Variants in ATRIP observed in about 807,000 individuals in gnomAD.
ATRIP encodes ATR-interacting protein.
Under a neutral mutation model 78.1 loss-of-function variants are expected in ATRIP, and 44 were observed. The ratio of observed to expected loss-of-function variants is 0.56; its 90% CI spans 0.44 to 0.72. ATRIP has a LOEUF of 0.72. Ranked by LOEUF, ATRIP falls within the 30% of genes least tolerant of loss-of-function variation. The pLI, the probability that ATRIP is intolerant of heterozygous loss-of-function variation, is 0.00. For synonymous variants in ATRIP, 388 were observed against 408.9 expected (o/e 0.95, Z 0.62); for missense variants, 927 against 980.2 (o/e 0.95, Z 0.72).
chr3:48,460,861 C>G, intron 8 of ATRIP, 62 bp downstream of exon 8: 1 of 1,436,446 alleles, frequency 7.0e-7, no homozygotes, highest in Admixed American at 2.0e-5. Context: ...TAAGGTCTAA[C>G]CCATGGCACT....
At chr3:48,451,955 C>A in intron 3 of ATRIP, 56 bp downstream of exon 3, 1 of 1,489,662 alleles carries the variant, frequency 6.7e-7, no homozygotes. Context: ...GTTCCTTTGA[C>A]CAGGGTTGCC....
At chr3:48,448,785 C>G (rs1422893629) in intron 1 of ATRIP, among the ~76,000 whole-genome samples, 3 of 152,218 alleles carry the variant, frequency 2.0e-5, no homozygotes, top group Non-Finnish European at 4.4e-5. Flanking sequence ...TCCAATCATC[C>G]CACTTAAGTC....
rs1424803628 is a variant in ATRIP, at chr3:48,463,762, A to G, written c.1763A>G (p.Gln588Arg). ...DFLPRFQCVF[Q>R]VLPKCLSPET... ...TCTTTTAGGTTCCAGTGTGTGTTCC[A>G]AGTGCTGCCAAAGTGCCTCAGCCCA... Residue 588 changes from glutamine (Q) to arginine (R), a missense_variant, in exon 9 of 13, where the codon CAA becomes CGA. By Grantham distance (43) the Gln-to-Arg change is conservative. Coordinates refer to ENST00000320211, the MANE Select transcript of ATRIP (RefSeq NM_130384.3). 1 of 1,614,028 alleles carries G rather than the reference A, an allele frequency of 6.2e-7. No homozygotes were observed. Among genetic ancestry groups the G allele is most frequent in the African/African-American group, 1.3e-5 (1 of 74,896 alleles).
At chr3:48,452,469 G>A (rs2039857982) in intron 3 of ATRIP, among the ~76,000 whole-genome samples, 1 of 152,064 alleles carries the variant, frequency 6.6e-6, no homozygotes, top group Admixed American at 6.6e-5. Flanking sequence ...GATTACTTGA[G>A]CCAGGAGTTC....
At chr3:48,449,090 A>G (rs555956470) in intron 1 of ATRIP, among the ~76,000 whole-genome samples, 1 of 152,332 alleles carries the variant, frequency 6.6e-6, no homozygotes, top group South Asian at 2.1e-4. Flanking sequence ...TAGGGAAAGA[A>G]TAATAGGATC....
chr3:48,463,750 AGT>A lies in ATRIP; in HGVS notation c.1758_1759del (p.Phe587ProfsTer15). The A allele has an allele frequency of 1.9e-6, 3 of 1,614,058 alleles. No homozygotes were observed. Among genetic ancestry groups the A allele is most frequent in the Non-Finnish European group, 2.5e-6 (3 of 1,179,980 alleles). ...TCTGGGTCCCTGTCTTTTAGGTTCC[AGT>A]GTGTGTTCCAAGTGCTGCCAAAGTG... is the stretch of plus-strand genomic sequence containing the variant. On this transcript the variant is annotated frameshift_variant, in exon 9 of 13. Coordinates refer to ENST00000320211, the MANE Select transcript of ATRIP (RefSeq NM_130384.3). LOFTEE classifies it high-confidence loss of function.
chr3:48,466,261 G>T lies in ATRIP; in HGVS notation c.*707G>T. 1 of 619,526 alleles carries T rather than the reference G, an allele frequency of 1.6e-6. No homozygotes were observed. Among genetic ancestry groups the T allele is most frequent in the Non-Finnish European group, 2.9e-6 (1 of 348,228 alleles). 38.4% of individuals were successfully genotyped at this position (619,526 alleles called of 1,614,324 possible). On this transcript the variant is annotated 3_prime_UTR_variant, in exon 13 of 13. Coordinates refer to ENST00000320211, the MANE Select transcript of ATRIP (RefSeq NM_130384.3). Reference sequence around the variant, plus strand: ...CGCCACTGCTGCCAGCGAGAGCCGCGGGAGAGTGTGCAGCCGAGTCACTAC... The same window carrying T: ...CGCCACTGCTGCCAGCGAGAGCCGCTGGAGAGTGTGCAGCCGAGTCACTAC...
intron 1 of ATRIP, among the ~76,000 whole-genome samples, chr3:48,449,451 G>A (rs1466858849): frequency 2.8e-5 from 4 of 144,276 alleles, no homozygotes; most frequent in Admixed American, 2.1e-4. Flanking sequence ...TCATTTATGA[G>A]TTTGAACCAT....
rs1004073725 is a variant in ATRIP, at chr3:48,460,323, A to G, written c.1269A>G (p.Val423=). 1 of 1,613,628 alleles carries G rather than the reference A, an allele frequency of 6.2e-7. No individual in the cohort carries two copies. The highest frequency in any genetic ancestry group is 8.5e-7 in the Non-Finnish European group (1 of 1,179,778). ...GAGCCGTGCATTTCCTCCCCCTTGT[A>G]CAGTTCTTCATCGGCTTACACTGCC... ...LPGAVHFLPL[V]QFFIGLHCQA... Residue 423 remains valine (V), a synonymous_variant, in exon 8 of 13, where the codon GTA becomes GTG. Transcript: ENST00000320211.
At position 48,467,372 on chromosome 3, in the gene ATRIP, T is replaced by C. The variant is rs778737526; in HGVS notation, c.*1818T>C. On this transcript the variant is annotated 3_prime_UTR_variant, in exon 13 of 13. Coordinates refer to ENST00000320211, the MANE Select transcript of ATRIP (RefSeq NM_130384.3). ...CCATGTATGGGGTCACAGCCTCTGC[T>C]AGGACCAAGCCAAGACCATCTGCTG... The C allele has an allele frequency of 1.2e-6, 2 of 1,614,168 alleles. No individual in the cohort carries two copies. Among genetic ancestry groups the C allele is most frequent in the Non-Finnish European group, 1.7e-6 (2 of 1,180,034 alleles).
chr3:48,446,947 C>T lies in ATRIP; in HGVS notation c.102C>T (p.Ala34=), dbSNP rs777660123. 1.9e-5 allele frequency: 29 copies of T among 1,525,590 alleles called. No individual in the cohort carries two copies. The highest frequency in any genetic ancestry group is 1.8e-6 in the Non-Finnish European group (2 of 1,139,136). 94.5% of individuals were successfully genotyped at this position (1,525,590 alleles called of 1,614,324 possible). A position where few individuals can be genotyped will look rare whatever the true frequency, so the allele number is the denominator to read the frequency against. The change falls in exon 1 of 13, where the codon GCC becomes GCT. Residue 34 remains alanine (A), a synonymous_variant. Coordinates refer to ENST00000320211, the MANE Select transcript of ATRIP (RefSeq NM_130384.3). ...CCGGGCACCCCCCGAGCAAGCGGGC[C>T]CGGGGCTTCTCCGCAGCCGCTGCCC... ...PGTGHPPSKR[A]RGFSAAAAPD... is the part of the protein sequence containing the mutation.
In ATRIP at chr3:48,467,241, A is replaced by G. The variant is rs1176739791; in HGVS notation, c.*1687A>G. 2 of 1,614,014 alleles carry G rather than the reference A, an allele frequency of 1.2e-6. No individual in the cohort carries two copies. Among genetic ancestry groups the G allele is most frequent in the Non-Finnish European group, 8.5e-7 (1 of 1,180,042 alleles). ...TGGGCAGTCCCCTCCAGACTCGCAC[A>G]CGGCTGAGGGTGATGTCCTGGCCCT... On this transcript the variant is annotated 3_prime_UTR_variant, in exon 13 of 13. Transcript: ENST00000320211.
In ATRIP at chr3:48,446,958, C is replaced by T. The variant is rs778500392; in HGVS notation, c.113C>T (p.Ser38Phe). 6.5e-7 allele frequency: 1 copy of T among 1,541,728 alleles called. No individual in the cohort carries two copies. Among genetic ancestry groups the T allele is most frequent in the Non-Finnish European group, 8.7e-7 (1 of 1,146,904 alleles). ...HPPSKRARGF[S>F]AAAAPDPDDP... is the part of the protein sequence containing the mutation. ...CCGAGCAAGCGGGCCCGGGGCTTCT[C>T]CGCAGCCGCTGCCCCGGACCCTGAC... Residue 38 changes from serine to phenylalanine, a missense_variant, in exon 1 of 13, where the codon TCC becomes TTC. Ser to Phe is a radical substitution (Grantham distance 155). Transcript: ENST00000320211.
intron 12 of ATRIP, 92 bp downstream of exon 12, chr3:48,465,175 C>T: frequency 4.0e-6 from 6 of 1,486,062 alleles, no homozygotes; most frequent in South Asian, 3.8e-5. Context: ...CCTCAGCAGG[C>T]CCCCGCCCAC....
At chr3:48,447,417 A>C in intron 1 of ATRIP, 1 of 1,041,930 alleles carries the variant, frequency 9.6e-7, no homozygotes, top group East Asian at 7.8e-5. Context: ...AACCATCACT[A>C]CCCATGCATG....
At chr3:48,459,664 C>T in intron 6 of ATRIP, 123 bp from the exon 7 acceptor site, 1 of 1,369,510 alleles carries the variant, frequency 7.3e-7, no homozygotes, top group East Asian at 2.3e-5. Flanking sequence ...CAGGCATCTT[C>T]CTGGGGCTTA....
At chr3:48,452,870 A>ATTTTTTTTT (rs71074246) in intron 3 of ATRIP, among the ~76,000 whole-genome samples, 1 of 117,504 alleles carries the variant, frequency 8.5e-6, no homozygotes. Context: ...AAATTATTGA[A>ATTTTTTTTT]TTTTTTTTTT....
intron 1 of ATRIP, 59 bp downstream of exon 1, chr3:48,447,151 T>C: frequency 1.4e-6 from 2 of 1,400,088 alleles, no homozygotes; most frequent in South Asian, 1.7e-5. Flanking sequence ...CAGATCCCCT[T>C]GATGGCTGTG....
intron 3 of ATRIP, among the ~76,000 whole-genome samples, chr3:48,453,068 C>T (rs1434380628): frequency 6.6e-6 from 1 of 151,860 alleles, no homozygotes; most frequent in Non-Finnish European, 1.5e-5. Context: ...AATTTTGGTA[C>T]AGACAGGGTT....
Sources: allele counts gnomAD v4.1 joint callset (sites outside exome capture counted in the v4.1 genomes callset), GRCh38; gene constraint gnomAD v4.1.1; transcripts MANE v1.5; gene names NCBI Gene and HGNC (gene_info 2026-07-23, HGNC 2026-07-21).